The following RGS12 variants were observed in gnomAD, a reference collection of about 807,000 sequenced individuals.
RGS12 encodes regulator of G-protein signaling 12.
Under a neutral mutation model 120.1 loss-of-function variants are expected in RGS12, and 66 were observed. The observed-to-expected ratio is 0.55, with a 90% CI of 0.45 to 0.67. RGS12 has a LOEUF of 0.67. RGS12 is among the 30% of genes least tolerant of loss of function. The pLI is 0.00. For missense variants in RGS12, 1,859 were observed against 1,957.7 expected (o/e 0.95, Z 0.95); for synonymous variants, 827 against 804.7 (o/e 1.03, Z -0.47).
chr4:3,409,327 A>T (rs1459709737), intron 4 of RGS12, among the ~76,000 whole-genome samples: 1 of 152,244 alleles, frequency 6.6e-6, no homozygotes, highest in East Asian at 1.9e-4. Context: ...ACAGGTCATC[A>T]TTTACTGTTT....
intron 5 of RGS12, 69 bp from the exon 6 acceptor site, chr4:3,414,683 T>C: frequency 8.8e-7 from 1 of 1,131,680 alleles, no homozygotes; most frequent in Non-Finnish European, 1.3e-6. Context: ...GTGGTTTCTG[T>C]AGAAGGGGAA....
At chr4:3,360,398 T>A (rs1347795343) in intron 3 of RGS12, among the ~76,000 whole-genome samples, 1 of 152,126 alleles carries the variant, frequency 6.6e-6, no homozygotes, top group Non-Finnish European at 1.5e-5. Flanking sequence ...CCTTTCTTCT[T>A]CTAGCTTTGG....
Position 3,372,748 on chromosome 4 carries a change from A to G in RGS12, c.1999-13668A>G, listed in dbSNP as rs1717161858. ...AAGCCCTTTAGAGACTTGGGAGCAC[A>G]TGAGGTGCGGTGTAGATTTGTCTTC... On this transcript the variant is annotated intron_variant, in intron 3 of 17. Coordinates refer to ENST00000336727, the MANE Select transcript of RGS12 (RefSeq NM_001394154.1). This position sits in a 1 kb window ranked among gnomAD's most constrained non-coding sequence, Gnocchi z 4.3. Among the ~76,000 whole-genome samples the G allele has an allele frequency of 6.6e-6, 1 of 152,226 alleles. No homozygotes were observed. The highest frequency in any genetic ancestry group is 1.5e-5 in the Non-Finnish European group (1 of 68,044).
Position 3,425,511 on chromosome 4 carries a change from G to A in RGS12, c.3282G>A (p.Leu1094=), listed in dbSNP as rs374843920. The change falls in exon 14 of 18, where the codon CTG becomes CTA. Residue 1094 remains leucine (L), a synonymous_variant. Transcript: ENST00000336727. ...PLDLGAPISS[L]DGQRVVLEEK... ...ACCTTGGCGCCCCTATATCGAGTCTGGACGGACAGCGGGTTGTCTTGGAGG... is the reference window on the plus strand; with the variant it reads ...ACCTTGGCGCCCCTATATCGAGTCTAGACGGACAGCGGGTTGTCTTGGAGG... 6.2e-5 allele frequency: 100 copies of A among 1,612,116 alleles called. 1 individual carries two copies. In the East Asian group the frequency reaches 1.1e-3, roughly 18 times the overall value.
chr4:3,361,910 G>A (rs896130897), intron 3 of RGS12, among the ~76,000 whole-genome samples: 4 of 152,180 alleles, frequency 2.6e-5, no homozygotes, highest in Admixed American at 6.5e-5. Context: ...CACAGGACAG[G>A]CTCCTGGTAG....
chr4:3,398,383 G>T (rs916657651), intron 4 of RGS12, among the ~76,000 whole-genome samples: 5 of 152,174 alleles, frequency 3.3e-5, no homozygotes, highest in African/African-American at 1.2e-4. Context: ...GGATTATAGG[G>T]AATGCTTGGG....
intron 2 of RGS12, among the ~76,000 whole-genome samples, chr4:3,338,872 A>G (rs918117007): frequency 6.6e-6 from 1 of 152,192 alleles, no homozygotes; most frequent in South Asian, 2.1e-4. Context: ...ATTATGTCAC[A>G]CCAGCAGGGG....
chr4:3,351,074 C>T (rs751457412), intron 3 of RGS12, among the ~76,000 whole-genome samples: 16 of 152,086 alleles, frequency 1.1e-4, no homozygotes, highest in Non-Finnish European at 1.9e-4. Context: ...GGCTGTGGAC[C>T]AGAATTATGG....
chr4:3,324,969 T>G lies in RGS12; in HGVS notation c.1881+6918T>G, dbSNP rs1480569455. Among the ~76,000 whole-genome samples the G allele has an allele frequency of 3.9e-5, 6 of 152,330 alleles. No individual in the cohort carries two copies. In the South Asian group the frequency reaches 1.0e-3, roughly 26 times the overall value. On this transcript the variant is annotated intron_variant, in intron 2 of 17. Transcript: ENST00000336727. ...TACCTTGGCCATTTTTCTACCTGAT[T>G]GTAGGCCTTTTTCTTATTGATTAGT... is the stretch of plus-strand genomic sequence containing the variant.
Position 3,372,710 on chromosome 4 carries a change from G to GT in RGS12, c.1999-13703dup, listed in dbSNP as rs546480736. Among the ~76,000 whole-genome samples the GT allele has an allele frequency of 5.9e-4, 90 of 152,314 alleles. No individual in the cohort carries two copies. Among genetic ancestry groups the GT allele is most frequent in the Admixed American group, 2.4e-3 (37 of 15,306 alleles). The stretch of plus-strand genomic sequence containing the variant: ...GTGTCAGACACTTGGCAGAAACTTT[G>GT]TTTCTCAAGGCAAAGCCCTTTAGAG... On this transcript the variant is annotated intron_variant, in intron 3 of 17. Coordinates refer to ENST00000336727, the MANE Select transcript of RGS12 (RefSeq NM_001394154.1). The surrounding 1 kb of genome is among the most constrained non-coding windows in gnomAD (Gnocchi z 4.3).
At position 3,316,740 on chromosome 4, in the gene RGS12, T is replaced by A; in HGVS notation, c.570T>A (p.Asn190Lys). Reference sequence around the variant, plus strand: ...GACATGAAAGTATAAATAATCCAAATCCCAACATGCTTTCTAAGGAGGAAA... The same window carrying A: ...GACATGAAAGTATAAATAATCCAAAACCCAACATGCTTTCTAAGGAGGAAA... Reference protein sequence around the residue: ...DVGHESINNPNPNMLSKEEIS... With the variant: ...DVGHESINNPKPNMLSKEEIS... Residue 190 changes from asparagine to lysine, a missense_variant, in exon 2 of 18, where the codon AAT (asparagine) becomes AAA (lysine). Asn to Lys is a moderately conservative substitution (Grantham distance 94, BLOSUM62 0). Around this residue, in one of 3 missense-constraint regions of RGS12, gnomAD observed 967 missense variants for 994.2 expected, o/e 0.97. Coordinates refer to ENST00000336727, the MANE Select transcript of RGS12 (RefSeq NM_001394154.1). 1 of 1,614,186 alleles carries A rather than the reference T, an allele frequency of 6.2e-7. No individual in the cohort carries two copies. Among genetic ancestry groups the A allele is most frequent in the Non-Finnish European group, 8.5e-7 (1 of 1,180,026 alleles).
chr4:3,379,376 C>G (rs1208333955), intron 3 of RGS12, among the ~76,000 whole-genome samples: 1 of 152,128 alleles, frequency 6.6e-6, no homozygotes, highest in Non-Finnish European at 1.5e-5. Flanking sequence ...AGAATAGATT[C>G]TCACCACACA....
At chr4:3,363,139 G>C (rs534766246) in intron 3 of RGS12, among the ~76,000 whole-genome samples, 1 of 151,836 alleles carries the variant, frequency 6.6e-6, no homozygotes, top group African/African-American at 2.4e-5. Context: ...GAGTGTGGGG[G>C]TGTGTGTGCG....
At chr4:3,305,994 C>A (rs530608597) in intron 1 of RGS12, among the ~76,000 whole-genome samples, 1 of 152,356 alleles carries the variant, frequency 6.6e-6, no homozygotes, top group Non-Finnish European at 1.5e-5. Flanking sequence ...CTTTATGGGC[C>A]TCCTGGGAGT....
intron 3 of RGS12, among the ~76,000 whole-genome samples, chr4:3,382,938 C>T (rs539479726): frequency 1.3e-5 from 2 of 152,284 alleles, no homozygotes; most frequent in African/African-American, 4.8e-5. Context: ...TGAGACTCTG[C>T]TCATTGTTGT....
intron 3 of RGS12, among the ~76,000 whole-genome samples, chr4:3,344,593 C>T (rs979483856): frequency 5.3e-5 from 8 of 152,244 alleles, no homozygotes; most frequent in African/African-American, 1.9e-4. Context: ...GCACAACCTG[C>T]CCCTTCCCTG....
Position 3,430,916 on chromosome 4 carries a change from C to A in RGS12, c.4075C>A (p.Pro1359Thr). The A allele has an allele frequency of 6.2e-7, 1 of 1,612,766 alleles. No homozygotes were observed. The highest frequency in any genetic ancestry group is 8.5e-7 in the Non-Finnish European group (1 of 1,179,936). The change falls in exon 17 of 18, where the codon CCC (proline) becomes ACC (threonine). Residue 1359 changes from proline to threonine, a missense_variant. Physicochemically the swap from Pro to Thr is conservative, Grantham distance 38 (BLOSUM62 -1). Coordinates refer to ENST00000336727, the MANE Select transcript of RGS12 (RefSeq NM_001394154.1). Reference protein sequence around the residue: ...SSPNSTLLPPPSTPQEVPGPS... With the variant: ...SSPNSTLLPPTSTPQEVPGPS... ...CCCCAACAGCACCTTGCTGCCGCCG[C>A]CCTCCACCCCCCAGGAAGTGCCAGG... is the stretch of plus-strand genomic sequence containing the variant.
intron 5 of RGS12, 32 bp from the exon 6 acceptor site, chr4:3,414,720 G>A (rs2109106047): frequency 6.9e-7 from 1 of 1,459,428 alleles, no homozygotes; most frequent in Non-Finnish European, 9.6e-7. Flanking sequence ...CCCTGTGTCA[G>A]TGTTAATAAA....
intron 2 of RGS12, among the ~76,000 whole-genome samples, chr4:3,336,746 C>T (rs1293948081): frequency 2.0e-5 from 3 of 152,176 alleles, no homozygotes; most frequent in Non-Finnish European, 4.4e-5. Context: ...AAAAACTCTA[C>T]ACATTAAAAA....
Sources: allele counts gnomAD v4.1 joint callset (sites outside exome capture counted in the v4.1 genomes callset), GRCh38; gene constraint gnomAD v4.1.1; regional missense constraint gnomAD v4.1.1; non-coding constraint Gnocchi (gnomAD v3.1); transcripts MANE v1.5; gene names NCBI Gene and HGNC (gene_info 2026-07-23, HGNC 2026-07-21).